The following SDK1 variants were observed in gnomAD, a reference collection of about 807,000 sequenced individuals.
The protein encoded by SDK1 is sidekick cell adhesion molecule 1, also known as protein sidekick-1.
Under a neutral mutation model 245.5 loss-of-function variants are expected in SDK1, and 157 were observed. That is an observed-to-expected ratio of 0.64 (90% CI 0.56 to 0.73). SDK1 has a LOEUF of 0.73. Among genes scored for constraint, SDK1 ranks in the 30% least tolerant of loss-of-function variants. The pLI is 0.00. For synonymous variants in SDK1, 1,647 were observed against 1,278.5 expected (o/e 1.29, Z -6.15); for missense variants, 3,583 against 3,002.3 (o/e 1.19, Z -4.52).
chr7:3,912,533 G>T (rs1779210324), intron 5 of SDK1, among the ~76,000 whole-genome samples: 1 of 152,306 alleles, frequency 6.6e-6, no homozygotes, highest in African/African-American at 2.4e-5. Flanking sequence ...CGGGGAAGAG[G>T]TACTGATTGC....
chr7:3,349,369 GC>G (rs1210248855), intron 1 of SDK1, among the ~76,000 whole-genome samples: 1 of 151,548 alleles, frequency 6.6e-6, no homozygotes, highest in Admixed American at 6.6e-5. Flanking sequence ...TGAAAAAGAA[GC>G]CTGCTCCTCC....
chr7:4,195,345 C>T (rs1015854721), intron 35 of SDK1, among the ~76,000 whole-genome samples: 18 of 152,070 alleles, frequency 1.2e-4, no homozygotes, highest in Non-Finnish European at 2.4e-4. Flanking sequence ...TGATTTGAGG[C>T]CGACTCCTTG....
intron 4 of SDK1, among the ~76,000 whole-genome samples, chr7:3,792,638 CCA>C (rs765706523): frequency 0.033 from 4,935 of 151,478 alleles, 231 homozygotes; most frequent in African/African-American, 0.1. Flanking sequence ...ATCCATCCAT[CCA>C]TCCACCTGTC....
intron 1 of SDK1, among the ~76,000 whole-genome samples, chr7:3,455,077 A>G (rs528332697): frequency 6.6e-6 from 1 of 151,198 alleles, no homozygotes; most frequent in Admixed American, 6.6e-5. Flanking sequence ...TGTAATGGCT[A>G]CTGGTGTTGG....
chr7:3,616,772 C>G lies in SDK1; in HGVS notation c.299-2308C>G, dbSNP rs530425995. Reference sequence around the variant, plus strand: ...AAATTCTATATATTCAGTTTATACACTATAGTTTAATGTGCAACTAGTTTC... The same window carrying G: ...AAATTCTATATATTCAGTTTATACAGTATAGTTTAATGTGCAACTAGTTTC... On this transcript the variant is annotated intron_variant, in intron 1 of 44. Transcript: ENST00000404826. Among the ~76,000 whole-genome samples, 6 of 152,274 alleles carry G rather than the reference C, an allele frequency of 3.9e-5. No homozygotes were observed. In the East Asian group the frequency reaches 1.2e-3, roughly 29 times the overall value.
At chr7:3,425,032 C>T (rs955497847) in intron 1 of SDK1, among the ~76,000 whole-genome samples, 13 of 151,896 alleles carry the variant, frequency 8.6e-5, no homozygotes, top group South Asian at 6.3e-4. Flanking sequence ...TAATCAATAT[C>T]GTTACCACAT....
At chr7:3,660,004 C>T (rs879131591) in intron 4 of SDK1, among the ~76,000 whole-genome samples, 1 of 152,020 alleles carries the variant, frequency 6.6e-6, no homozygotes, top group Non-Finnish European at 1.5e-5. Flanking sequence ...TTTGAGATGC[C>T]CGTGAAGTAT....
chr7:4,180,575 G>C (rs879494192), intron 35 of SDK1, among the ~76,000 whole-genome samples: 1 of 152,240 alleles, frequency 6.6e-6, no homozygotes, highest in East Asian at 1.9e-4. Context: ...TAGGGTCTGC[G>C]CTGTTGGTGT....
intron 27 of SDK1, 198 bp downstream of exon 27, chr7:4,130,295 G>A: frequency 1.6e-6 from 1 of 611,820 alleles, no homozygotes; most frequent in East Asian, 2.9e-5. Context: ...GATTTTTACA[G>A]CCTAATTATG....
intron 4 of SDK1, among the ~76,000 whole-genome samples, chr7:3,670,974 C>CT (rs898504477): frequency 4.6e-5 from 7 of 152,166 alleles, no homozygotes; most frequent in East Asian, 1.9e-4. Flanking sequence ...CATCCTGTAA[C>CT]TTTTTTTTGC....
At chr7:4,209,204 A>G (rs1784390534) in intron 37 of SDK1, among the ~76,000 whole-genome samples, 1 of 152,166 alleles carries the variant, frequency 6.6e-6, no homozygotes, top group African/African-American at 2.4e-5. Context: ...CTGTAGGCAG[A>G]GATGAGGGTA....
intron 1 of SDK1, among the ~76,000 whole-genome samples, chr7:3,326,738 A>G (rs1298404768): frequency 6.6e-6 from 1 of 152,168 alleles, no homozygotes; most frequent in Non-Finnish European, 1.5e-5. Context: ...GTATGCATCT[A>G]TCACTCAGTT....
intron 4 of SDK1, among the ~76,000 whole-genome samples, chr7:3,731,241 A>G (rs1450613521): frequency 1.3e-5 from 2 of 152,122 alleles, no homozygotes; most frequent in Non-Finnish European, 2.9e-5. Flanking sequence ...TCCTTCCATA[A>G]GGTTCACATG....
intron 22 of SDK1, among the ~76,000 whole-genome samples, chr7:4,084,492 T>C (rs1363854514): frequency 6.6e-6 from 1 of 152,194 alleles, no homozygotes; most frequent in Admixed American, 6.5e-5. Flanking sequence ...CTTGGTTTCA[T>C]GAGTGTCAAA....
chr7:3,402,645 A>G (rs1486517434), intron 1 of SDK1, among the ~76,000 whole-genome samples: 4 of 152,170 alleles, frequency 2.6e-5, no homozygotes, highest in African/African-American at 9.6e-5. Flanking sequence ...GCTTTTTTTC[A>G]TCTGGGCCAT....
At chr7:3,947,432 G>A (rs995384385) in intron 5 of SDK1, among the ~76,000 whole-genome samples, 26 of 151,932 alleles carry the variant, frequency 1.7e-4, no homozygotes, top group Non-Finnish European at 3.2e-4. Flanking sequence ...ATTATCTACT[G>A]CACAGCTAGA....
At chr7:4,130,282 G>A (rs1259363130) in intron 27 of SDK1, 185 bp downstream of exon 27, 12 of 649,416 alleles carry the variant, frequency 1.8e-5, no homozygotes, top group East Asian at 1.1e-4. Context: ...TCAGCCTGGA[G>A]TGGATTTTTA....
At position 3,472,069 on chromosome 7, in the gene SDK1, G is replaced by A. The variant is rs76617645; in HGVS notation, c.299-147011G>A. Among the ~76,000 whole-genome samples the A allele has an allele frequency of 1.1e-3, 164 of 152,254 alleles. 4 individuals are homozygous for A. In the East Asian group the frequency reaches 0.029, roughly 27 times the overall value. On this transcript the variant is annotated intron_variant, in intron 1 of 44. Coordinates refer to ENST00000404826, the MANE Select transcript of SDK1 (RefSeq NM_152744.4). ...CTGATGAGATGGTAGCAGTGCTGTG[G>A]TATTGTTTGCAGGTCCTTTCTTATC...
chr7:4,132,159 G>A (rs558768375), intron 27 of SDK1, among the ~76,000 whole-genome samples, 166 bp from the exon 28 acceptor site: 2 of 152,292 alleles, frequency 1.3e-5, no homozygotes, highest in African/African-American at 4.8e-5. Context: ...CACTACCAGT[G>A]ACATTCCAAA....
Sources: gnomAD v4.1 joint callset for allele counts (sites outside exome capture counted in the v4.1 genomes callset) on GRCh38, gnomAD v4.1.1 for gene constraint, MANE v1.5 for transcripts, NCBI Gene and HGNC (gene_info 2026-07-23, HGNC 2026-07-21) for gene names.